Variants in ZSWIM4 observed in about 807,000 individuals in gnomAD.
The protein encoded by ZSWIM4 is zinc finger SWIM-type containing 4.
In ZSWIM4, 62 loss-of-function variants were observed where a neutral mutation model predicts 102.5. The ratio of observed to expected loss-of-function variants is 0.60; its 90% CI spans 0.49 to 0.75. The LOEUF (loss-of-function observed/expected upper bound fraction) is 0.75, where lower values mean the gene tolerates loss of function less well. Among genes scored for constraint, ZSWIM4 ranks in the 30% least tolerant of loss-of-function variants. The pLI is 0.00. For missense variants in ZSWIM4, 1,280 were observed against 1,529.6 expected (o/e 0.84, Z 2.72); for synonymous variants, 652 against 674.5 (o/e 0.97, Z 0.52).
chr19:13,802,277 A>C (rs1568327346), intron 2 of ZSWIM4, among the ~76,000 whole-genome samples: 4 of 103,606 alleles, frequency 3.9e-5, no homozygotes, highest in African/African-American at 2.9e-4. Flanking sequence ...CGCCTGGCCA[A>C]ATTTTTTTTT....
intron 10 of ZSWIM4, among the ~76,000 whole-genome samples, chr19:13,821,538 C>G (rs1975462200): frequency 6.6e-6 from 1 of 152,070 alleles, no homozygotes. Flanking sequence ...GAGCAAGACC[C>G]CATCTCTCTC....
intron 2 of ZSWIM4, among the ~76,000 whole-genome samples, 195 bp downstream of exon 2, chr19:13,800,116 G>C (rs1213666235): frequency 7.0e-6 from 1 of 141,910 alleles, no homozygotes; most frequent in Non-Finnish European, 1.5e-5. Flanking sequence ...GGCCCAGGCC[G>C]GAGTGCAGTG....
chr19:13,808,348 T>C (rs891416906), intron 3 of ZSWIM4, among the ~76,000 whole-genome samples: 33 of 151,182 alleles, frequency 2.2e-4, no homozygotes, highest in Non-Finnish European at 3.2e-4. Flanking sequence ...TGGATAAACA[T>C]GAATAGATGG....
intron 2 of ZSWIM4, 77 bp downstream of exon 2, chr19:13,799,998 A>T: frequency 1.4e-6 from 2 of 1,427,842 alleles, no homozygotes; most frequent in African/African-American, 1.5e-5. Context: ...AGTTGGAGGG[A>T]GGCCTGGGGC....
In ZSWIM4 at chr19:13,795,756, G is replaced by T; in HGVS notation, c.108G>T (p.Leu36=). The T allele has an allele frequency of 8.1e-7, 1 of 1,240,554 alleles. No individual in the cohort carries two copies. The highest frequency in any genetic ancestry group is 3.1e-5 in the East Asian group (1 of 32,694). The allele number at this position is 1,240,554 out of a possible 1,614,324, so 76.8% of individuals were successfully genotyped here. Residue 36 remains leucine, a synonymous_variant, in exon 1 of 14, where the codon CTG becomes CTT. Coordinates refer to ENST00000590508, the MANE Select transcript of ZSWIM4 (RefSeq NM_001367834.3). ...GCCGGGGCCGGCCCGAGGCGCTGCTGGACCTCAGCGCCAAGCGGGTAGCCG... is the reference window on the plus strand; with the variant it reads ...GCCGGGGCCGGCCCGAGGCGCTGCTTGACCTCAGCGCCAAGCGGGTAGCCG... ...ARGRGRPEAL[L]DLSAKRVAES... is the part of the protein sequence containing the mutation.
chr19:13,815,455 A>ATTTT (rs1447166563), intron 7 of ZSWIM4: 1 of 104,674 alleles, frequency 9.6e-6, no homozygotes, highest in Non-Finnish European at 1.9e-5. Context: ...CGTGCCTGGA[A>ATTTT]ATTTTTTTTT....
chr19:13,817,441 C>T, intron 8 of ZSWIM4, 88 bp downstream of exon 8: 1 of 1,517,898 alleles, frequency 6.6e-7, no homozygotes, highest in African/African-American at 1.4e-5. Flanking sequence ...TAAGGTAACT[C>T]CCAGACTCTG....
chr19:13,795,625 C>G lies in ZSWIM4; in HGVS notation c.-24C>G. 1 of 417,708 alleles carries G rather than the reference C, an allele frequency of 2.4e-6. No homozygotes were observed. The highest frequency in any genetic ancestry group is 3.6e-6 in the Non-Finnish European group (1 of 277,690). The allele number at this position is 417,708 out of a possible 1,614,324, so 25.9% of individuals were successfully genotyped here. A position where few individuals can be genotyped will look rare whatever the true frequency, so the allele number is the denominator to read the frequency against. ...CGAGCCCCCCAAAGAGGCCCCGCCC[C>G]GGCCCTGGCCCCGGCCGGGCCGGAT... On this transcript the variant is annotated 5_prime_UTR_variant, in exon 1 of 14. Transcript: ENST00000590508.
At chr19:13,829,824 C>CAA (rs1219626837) in intron 13 of ZSWIM4, among the ~76,000 whole-genome samples, 10 of 138,674 alleles carry the variant, frequency 7.2e-5, no homozygotes, top group African/African-American at 2.1e-4. Context: ...GACTCCATCT[C>CAA]AAAAAAAAAA....
intron 2 of ZSWIM4, among the ~76,000 whole-genome samples, chr19:13,803,751 G>A (rs1974836285): frequency 7.8e-6 from 1 of 128,018 alleles, no homozygotes; most frequent in Non-Finnish European, 1.6e-5. Flanking sequence ...GTTGCAGTGA[G>A]TCAAGATAGC....
rs1413069258 is a variant in ZSWIM4, at chr19:13,828,630, A to AC, written c.2380-11dup. 6.2e-7 allele frequency: 1 copy of AC among 1,613,050 alleles called. No homozygotes were observed. Among genetic ancestry groups the AC allele is most frequent in the Admixed American group, 1.7e-5 (1 of 59,906 alleles). ...GACTCAGGCTAACCCCCTTCTCCCC[A>AC]CCCCTACCTTGCAGGTGATGCGGAT... On this transcript the variant is annotated splice_polypyrimidine_tract_variant and intron_variant, in intron 12 of 13. Transcript: ENST00000590508.
chr19:13,804,671 G>C (rs943918473), intron 2 of ZSWIM4, 121 bp from the exon 3 acceptor site: 13 of 761,032 alleles, frequency 1.7e-5, no homozygotes, highest in Middle Eastern at 3.6e-4. Flanking sequence ...TGCAAAGTGA[G>C]TGAGGTGACT....
Position 13,831,255 on chromosome 19 carries a change from A to C in ZSWIM4, c.*205A>C. ...GTGCAAGACTCCAGAAGCAGAAGCC[A>C]TACTGCCACCCAGAAGCCTGGAAGG... On this transcript the variant is annotated 3_prime_UTR_variant, in exon 14 of 14. Transcript: ENST00000590508. 1 of 634,566 alleles carries C rather than the reference A, an allele frequency of 1.6e-6. No individual in the cohort carries two copies. The highest frequency in any genetic ancestry group is 2.5e-6 in the Non-Finnish European group (1 of 392,954). 39.3% of individuals were successfully genotyped at this position (634,566 alleles called of 1,614,324 possible).
At chr19:13,822,567 G>C (rs1975495067) in intron 10 of ZSWIM4, among the ~76,000 whole-genome samples, 1 of 152,214 alleles carries the variant, frequency 6.6e-6, no homozygotes, top group Non-Finnish European at 1.5e-5. Flanking sequence ...CAGTGGCCAG[G>C]CATGGTGGCT....
chr19:13,803,766 C>T (rs1263047305), intron 2 of ZSWIM4, among the ~76,000 whole-genome samples: 3 of 139,346 alleles, frequency 2.2e-5, no homozygotes, highest in Non-Finnish European at 4.6e-5. Flanking sequence ...GATAGCGCCA[C>T]TGCACTCCAG....
At chr19:13,826,505 C>T (rs535145057) in intron 12 of ZSWIM4, among the ~76,000 whole-genome samples, 2 of 152,138 alleles carry the variant, frequency 1.3e-5, no homozygotes, top group South Asian at 4.1e-4. Flanking sequence ...TGGTGGCTCA[C>T]ATCTGTAATC....
At chr19:13,828,565 G>C in intron 12 of ZSWIM4, 80 bp from the exon 13 acceptor site, 1 of 1,262,688 alleles carries the variant, frequency 7.9e-7, no homozygotes, top group Non-Finnish European at 1.2e-6. Flanking sequence ...GTGTTTCTGG[G>C]GTCCTCCATC....
chr19:13,798,938 G>A (rs138500790), intron 1 of ZSWIM4, among the ~76,000 whole-genome samples: 1,898 of 152,204 alleles, frequency 0.012, 20 homozygotes, highest in Middle Eastern at 0.037. Flanking sequence ...ATAGGTGCAT[G>A]CCACCACACC....
intron 12 of ZSWIM4, among the ~76,000 whole-genome samples, chr19:13,826,900 G>A (rs975980807): frequency 1.3e-5 from 2 of 152,028 alleles, no homozygotes; most frequent in African/African-American, 4.8e-5. Flanking sequence ...TTGGTAGGGT[G>A]TGAGTGCCAT....
Sources: gnomAD v4.1 joint callset for allele counts (sites outside exome capture counted in the v4.1 genomes callset) on GRCh38, gnomAD v4.1.1 for gene constraint, MANE v1.5 for transcripts, NCBI Gene and HGNC (gene_info 2026-07-23, HGNC 2026-07-21) for gene names.